Variants in MAST1 observed in about 807,000 individuals in gnomAD.
MAST1 encodes the protein microtubule-associated serine/threonine-protein kinase 1.
In MAST1, 40 loss-of-function variants were observed where a neutral mutation model predicts 124.6. That is an observed-to-expected ratio of 0.32 (90% CI 0.25 to 0.42). The LOEUF is 0.42. Ranked by LOEUF, MAST1 falls within the 10% of genes least tolerant of loss-of-function variation. MAST1 has a pLI of 1.00. For missense variants in MAST1, 1,558 were observed against 2,181.9 expected (o/e 0.71, Z 5.70); for synonymous variants, 938 against 939.4 (o/e 1.00, Z 0.03).
intron 22 of MAST1, among the ~76,000 whole-genome samples, chr19:12,870,492 C>CAA (rs36022150): frequency 0.049 from 3,703 of 75,720 alleles, 94 homozygotes; most frequent in African/African-American, 0.058. Flanking sequence ...GACTCCGTCT[C>CAA]AAAAAAAAAA....
chr19:12,838,802 G>A lies in MAST1; in HGVS notation c.83+147G>A, dbSNP rs1340629280. 4.5e-6 allele frequency: 3 copies of A among 659,910 alleles called. No individual in the cohort carries two copies. Among genetic ancestry groups the A allele is most frequent in the Non-Finnish European group, 4.9e-6 (2 of 409,808 alleles). 40.9% of individuals were successfully genotyped at this position (659,910 alleles called of 1,614,324 possible). A position where few individuals can be genotyped will look rare whatever the true frequency, so the allele number is the denominator to read the frequency against. ...GCTGCGCCTTCCCGCCGGGGTTGGG[G>A]TTGAATGGGGGGTGGTGTGGGCCGA... On this transcript the variant is annotated intron_variant, in intron 1 of 25. Transcript: ENST00000251472. The surrounding 1 kb of genome is among the most constrained non-coding windows in gnomAD (Gnocchi z 4.3).
rs765433029 is a variant in MAST1 at position 12,871,848 on chromosome 19, C to T, written c.3263+676C>T. Among the ~76,000 whole-genome samples, 53 of 137,824 alleles carry T rather than the reference C, an allele frequency of 3.8e-4. 1 individual carries two copies. The Middle Eastern group carries it at 0.017, about 44-fold the overall frequency. The allele number at this position is 137,824 out of a possible 152,430, so 90.4% of individuals were successfully genotyped here. On this transcript the variant is annotated intron_variant, in intron 24 of 25. Coordinates refer to ENST00000251472, the MANE Select transcript of MAST1 (RefSeq NM_014975.3). ...GGAGGATTGCTTGAGCCTGGGAGGT[C>T]GAGGCTGCAGTGAGCTATGATCTCA...
rs1210798009 is a variant in MAST1 at position 12,838,707 on chromosome 19, C to T, written c.83+52C>T. On this transcript the variant is annotated intron_variant, in intron 1 of 25. Transcript: ENST00000251472. This position sits in a 1 kb window ranked among gnomAD's most constrained non-coding sequence, Gnocchi z 4.3. ...TCCCGGCCCTCCCCGCAAAAGCCGC[C>T]GCTCCGGGTACTGCTGCAGGGCGGG... 2 of 1,551,054 alleles carry T rather than the reference C, an allele frequency of 1.3e-6. No individual in the cohort carries two copies. The highest frequency in any genetic ancestry group is 1.4e-5 in the African/African-American group (1 of 73,000).
chr19:12,858,589 A>G lies in MAST1; in HGVS notation c.1216A>G (p.Asn406Asp). Residue 406 changes from asparagine (N) to aspartate (D), a missense_variant, in exon 12 of 26, where the codon AAC becomes GAC. Asn to Asp is a conservative substitution (Grantham distance 23). This residue lies in a region of MAST1 where 136 missense variants were observed against 160.9 expected (regional missense o/e 0.85). Coordinates refer to ENST00000251472, the MANE Select transcript of MAST1 (RefSeq NM_014975.3). ...GCAGCGCTTTGCCATGAAAAAGATCAACAAGCAGAACTTGATCCTCCGCAA... is the reference window on the plus strand; with the variant it reads ...GCAGCGCTTTGCCATGAAAAAGATCGACAAGCAGAACTTGATCCTCCGCAA... The part of the protein sequence containing the change: ...TRQRFAMKKI[N>D]KQNLILRNQI... 4 of 1,614,244 alleles carry G rather than the reference A, an allele frequency of 2.5e-6. No homozygotes were observed. The highest frequency in any genetic ancestry group is 3.4e-6 in the Non-Finnish European group (4 of 1,180,032).
chr19:12,858,304 A>G, intron 10 of MAST1, 58 bp from the exon 11 acceptor site: 1 of 1,439,228 alleles, frequency 6.9e-7, no homozygotes, highest in Non-Finnish European at 9.6e-7. Flanking sequence ...AAATGAAATT[A>G]AAAGCATCCT....
Position 12,864,967 on chromosome 19 carries a change from A to T in MAST1, c.1505+20A>T. On this transcript the variant is annotated intron_variant, in intron 13 of 25. Coordinates refer to ENST00000251472, the MANE Select transcript of MAST1 (RefSeq NM_014975.3). ...TGACAAGTGAGCTTTGATCTTTCCC[A>T]TCACTCCCTCTGTCCCTCGGGAGGC... The T allele has an allele frequency of 1.2e-6, 2 of 1,613,898 alleles. No homozygotes were observed. Among genetic ancestry groups the T allele is most frequent in the Non-Finnish European group, 1.7e-6 (2 of 1,179,906 alleles).
chr19:12,847,193 C>T lies in MAST1; in HGVS notation c.328-97C>T. 1.3e-6 allele frequency: 1 copy of T among 766,282 alleles called. No individual in the cohort carries two copies. The highest frequency in any genetic ancestry group is 2.2e-6 in the Non-Finnish European group (1 of 457,652). 47.5% of individuals were successfully genotyped at this position (766,282 alleles called of 1,614,324 possible). A position where few individuals can be genotyped will look rare whatever the true frequency, so the allele number is the denominator to read the frequency against. On this transcript the variant is annotated intron_variant, in intron 4 of 25. Transcript: ENST00000251472. This position sits in a 1 kb window ranked among gnomAD's most constrained non-coding sequence, Gnocchi z 5.5. ...AAATCAGGTCCTGATCCTGGCCTTG[C>T]CCAGTGACCCCATCGGCTTTGGGAG...
chr19:12,847,405 G>C lies in MAST1; in HGVS notation c.443G>C (p.Gly148Ala). The C allele has an allele frequency of 6.2e-7, 1 of 1,613,918 alleles. No individual in the cohort carries two copies. Among genetic ancestry groups the C allele is most frequent in the South Asian group, 1.1e-5 (1 of 91,062 alleles). Residue 148 changes from glycine (G) to alanine (A), a missense_variant, in exon 5 of 26, where the codon GGT becomes GCT. Physicochemically the swap from Gly to Ala is moderately conservative, Grantham distance 60. Coordinates refer to ENST00000251472, the MANE Select transcript of MAST1 (RefSeq NM_014975.3). This position sits in a 1 kb window ranked among gnomAD's most constrained non-coding sequence, Gnocchi z 5.5. ...GSTESITDED[G>A]GRRSPAVRPR... is the part of the protein sequence containing the mutation. ...ACCGAGAGCATCACAGACGAGGATG[G>C]TGGCCGTCGCTCCCCAGCCGTGCGG...
Position 12,865,636 on chromosome 19 carries a change from C to A in MAST1, c.1805-81C>A. 6.9e-7 allele frequency: 1 copy of A among 1,453,592 alleles called. No individual in the cohort carries two copies. Among genetic ancestry groups the A allele is most frequent in the South Asian group, 1.3e-5 (1 of 79,372 alleles). 90.0% of individuals were successfully genotyped at this position (1,453,592 alleles called of 1,614,324 possible). A position where few individuals can be genotyped will look rare whatever the true frequency, so the allele number is the denominator to read the frequency against. ...GAGCCATGATCGTGCCACTGCACTC[C>A]AGCTGGGTGACACAGTGAGATCCTG... On this transcript the variant is annotated intron_variant, in intron 15 of 25. Coordinates refer to ENST00000251472, the MANE Select transcript of MAST1 (RefSeq NM_014975.3). This position sits in a 1 kb window ranked among gnomAD's most constrained non-coding sequence, Gnocchi z 7.1.
At chr19:12,860,130 G>A (rs13382010) in intron 12 of MAST1, among the ~76,000 whole-genome samples, 40 of 151,188 alleles carry the variant, frequency 2.6e-4, no homozygotes, top group African/African-American at 8.7e-4. Flanking sequence ...CTTTTTTTTG[G>A]GGGGGACGGC....
intron 24 of MAST1, 152 bp downstream of exon 24, chr19:12,871,324 G>T: frequency 8.3e-7 from 1 of 1,208,500 alleles, no homozygotes; most frequent in Non-Finnish European, 1.1e-6. Context: ...AAGAGGGGCT[G>T]CGGGCTGGGC....
intron 4 of MAST1, among the ~76,000 whole-genome samples, chr19:12,845,259 C>G (rs556466833): frequency 6.6e-6 from 1 of 151,320 alleles, no homozygotes; most frequent in Admixed American, 6.6e-5. Flanking sequence ...GCCAAGACTG[C>G]ACCACTGCAC....
At position 12,868,627 on chromosome 19, in the gene MAST1, T is replaced by C. The variant is rs2145910672; in HGVS notation, c.2567-16T>C. On this transcript the variant is annotated splice_polypyrimidine_tract_variant and intron_variant, in intron 20 of 25. Transcript: ENST00000251472. The stretch of plus-strand genomic sequence containing the variant: ...GGCCTTGGACTAATTCCTAACACAC[T>C]TGCTTTCTGTTGCAGCTGACCGTCC... 6.4e-7 allele frequency: 1 copy of C among 1,563,436 alleles called. No homozygotes were observed. Among genetic ancestry groups the C allele is most frequent in the Non-Finnish European group, 8.7e-7 (1 of 1,152,538 alleles).
Position 12,864,732 on chromosome 19 carries a change from G to A in MAST1, c.1367-77G>A, listed in dbSNP as rs202052291. On this transcript the variant is annotated intron_variant, in intron 12 of 25. Transcript: ENST00000251472. ...CTATAAAACGGGTACAACATAACAT[G>A]AGAAGTTGGTGCTATGGTGCATGTC... The A allele has an allele frequency of 1.5e-3, 2,306 of 1,572,482 alleles. 4 individuals carry two copies. The highest frequency in any genetic ancestry group is 1.6e-3 in the South Asian group (148 of 89,772).
At chr19:12,860,609 TA>T (rs1970068978) in intron 12 of MAST1, among the ~76,000 whole-genome samples, 2 of 151,532 alleles carry the variant, frequency 1.3e-5, no homozygotes, top group Middle Eastern at 3.4e-3. Context: ...CACACCTGGC[TA>T]ATTTTTTGTA....
intron 4 of MAST1, among the ~76,000 whole-genome samples, chr19:12,846,391 A>G (rs1388236575): frequency 6.6e-6 from 1 of 152,070 alleles, no homozygotes; most frequent in African/African-American, 2.4e-5. Flanking sequence ...ATAAAGCAAG[A>G]GGAAACAAGA....
intron 1 of MAST1, among the ~76,000 whole-genome samples, chr19:12,840,145 G>T (rs1969807918): frequency 6.6e-6 from 1 of 152,204 alleles, no homozygotes; most frequent in African/African-American, 2.4e-5. Flanking sequence ...CATAGACTGA[G>T]ACACGCTCAG....
At position 12,838,697 on chromosome 19, in the gene MAST1, CA is replaced by C; in HGVS notation, c.83+46del. ...CTAGACATTGTCCCGGCCCTCCCCG[CA>C]AAAGCCGCCGCTCCGGGTACTGCTG... On this transcript the variant is annotated intron_variant, in intron 1 of 25. Coordinates refer to ENST00000251472, the MANE Select transcript of MAST1 (RefSeq NM_014975.3). The surrounding 1 kb of genome is among the most constrained non-coding windows in gnomAD (Gnocchi z 4.3). The C allele has an allele frequency of 6.4e-7, 1 of 1,574,268 alleles. No individual in the cohort carries two copies. Among genetic ancestry groups the C allele is most frequent in the Non-Finnish European group, 8.7e-7 (1 of 1,151,098 alleles).
chr19:12,868,103 A>ATTTTTTCTTTTTTTTTT (rs1970181848), intron 20 of MAST1, 126 bp downstream of exon 20: 1 of 291,088 alleles, frequency 3.4e-6, no homozygotes, highest in Non-Finnish European at 4.8e-6. Context: ...GCAATTTGGG[A>ATTTTTTCTTTTTTTTTT]TTTTTTTTTT....
Sources: gnomAD v4.1 joint callset for allele counts (sites outside exome capture counted in the v4.1 genomes callset) on GRCh38, gnomAD v4.1.1 for gene constraint, gnomAD v4.1.1 regional missense constraint, Gnocchi (gnomAD v3.1) non-coding constraint, MANE v1.5 for transcripts, NCBI Gene and HGNC (gene_info 2026-07-23, HGNC 2026-07-21) for gene names.